ANO6: variants seen among roughly 807,000 people sequenced by gnomAD.
The protein encoded by ANO6 is anoctamin-6.
Under a neutral mutation model 117.5 loss-of-function variants are expected in ANO6, and 106 were observed. The observed-to-expected ratio is 0.90, with a 90% CI of 0.77 to 1.06. The LOEUF is 1.06. Ranked by LOEUF, ANO6 falls within the 50% of genes least tolerant of loss-of-function variation. The pLI is 0.00. For synonymous variants in ANO6, 367 were observed against 385.1 expected, an observed-to-expected ratio of 0.95 and a Z score of 0.55; for missense variants, 955 against 1,121.1, an observed-to-expected ratio of 0.85 and a Z score of 2.12.
At chr12:45,225,865 T>A (rs1054665830) in intron 1 of ANO6, among the ~76,000 whole-genome samples, 6 of 152,194 alleles carry the variant, frequency 3.9e-5, no homozygotes, top group African/African-American at 1.4e-4. Flanking sequence ...GCAAGAGTAG[T>A]CAATTTTAGA....
chr12:45,296,964 G>A (rs1939315888), intron 1 of ANO6, among the ~76,000 whole-genome samples: 1 of 152,048 alleles, frequency 6.6e-6, no homozygotes, highest in African/African-American at 2.4e-5. Flanking sequence ...TTAACAACAT[G>A]CTTGTGAATT....
chr12:45,422,894 C>A lies in ANO6; in HGVS notation c.2421-63C>A, dbSNP rs931935596. 9 of 1,242,092 alleles carry A rather than the reference C, an allele frequency of 7.2e-6. No homozygotes were observed. In the African/African-American group the frequency reaches 1.0e-4, roughly 14 times the overall value. The allele number at this position is 1,242,092 out of a possible 1,614,324, so 76.9% of individuals were successfully genotyped here. ...CGGCATGACCTCTTTTTAAATGGGGCCTTTGTTTACAGTATTCAGTCAAAA... is the reference window on the plus strand; with the variant it reads ...CGGCATGACCTCTTTTTAAATGGGGACTTTGTTTACAGTATTCAGTCAAAA... On this transcript the variant is annotated intron_variant, in intron 18 of 19. Coordinates refer to ENST00000320560, the MANE Select transcript of ANO6 (RefSeq NM_001025356.3).
At chr12:45,344,070 A>G (rs1235432977) in intron 3 of ANO6, among the ~76,000 whole-genome samples, 1 of 152,152 alleles carries the variant, frequency 6.6e-6, no homozygotes, top group Admixed American at 6.6e-5. Flanking sequence ...GGAGTTTAAA[A>G]TGGGTGTCCA....
chr12:45,371,053 G>T (rs965016537), intron 9 of ANO6, among the ~76,000 whole-genome samples: 3 of 152,208 alleles, frequency 2.0e-5, no homozygotes, highest in Admixed American at 1.3e-4. Context: ...CTCGGGAAGT[G>T]CAAGGGGTCA....
intron 7 of ANO6, among the ~76,000 whole-genome samples, chr12:45,356,740 G>GGAGGCAGGA (rs775925260): frequency 1.5e-4 from 23 of 152,048 alleles, no homozygotes; most frequent in Non-Finnish European, 3.4e-4. Flanking sequence ...AAGTGGAAGG[G>GGAGGCAGGA]GAGGCAGGAG....
chr12:45,321,194 A>G (rs959955535), intron 2 of ANO6, among the ~76,000 whole-genome samples: 4 of 152,174 alleles, frequency 2.6e-5, no homozygotes, highest in African/African-American at 4.8e-5. Context: ...GGTAGTCAGT[A>G]AAAGGAAGCG....
At position 45,350,734 on chromosome 12, in the gene ANO6, C is replaced by T. The variant is rs201233672; in HGVS notation, c.823C>T (p.Pro275Ser). 1.2e-6 allele frequency: 2 copies of T among 1,613,750 alleles called. No individual in the cohort carries two copies. Among genetic ancestry groups the T allele is most frequent in the African/African-American group, 1.3e-5 (1 of 74,986 alleles). Residue 275 changes from proline (P) to serine (S), a missense_variant, in exon 7 of 20, where the codon CCT (proline) becomes TCT (serine). By Grantham distance (74) the Pro-to-Ser change is moderately conservative. Coordinates refer to ENST00000320560, the MANE Select transcript of ANO6 (RefSeq NM_001025356.3). ...RYLLYREWAH[P>S]RSIYKKQPLD... Reference sequence around the variant, plus strand: ...CCTTCTGTACAGAGAATGGGCTCATCCTCGAAGCATATACAAAAAGCAGCC... The same window carrying T: ...CCTTCTGTACAGAGAATGGGCTCATTCTCGAAGCATATACAAAAAGCAGCC...
chr12:45,249,716 A>T (rs1213466288), intron 1 of ANO6, among the ~76,000 whole-genome samples: 1 of 152,226 alleles, frequency 6.6e-6, no homozygotes, highest in East Asian at 1.9e-4. Flanking sequence ...CTTCTGGATG[A>T]AAATGTTAGA....
chr12:45,431,640 T>A lies in ANO6; in HGVS notation c.*2329T>A, dbSNP rs1454776037. 2.0e-5 allele frequency: 20 copies of A among 985,288 alleles called. No homozygotes were observed. The highest frequency in any genetic ancestry group is 2.3e-5 in the Non-Finnish European group (19 of 829,938). The allele number at this position is 985,288 out of a possible 1,614,324, so 61.0% of individuals were successfully genotyped here. A position where few individuals can be genotyped will look rare whatever the true frequency, so the allele number is the denominator to read the frequency against. ...GTGGAGATGCAGGGTCATTTCCCCA[T>A]GCCATCCACAGTGTTTGTTAGTGAG... On this transcript the variant is annotated 3_prime_UTR_variant, in exon 20 of 20. Coordinates refer to ENST00000320560, the MANE Select transcript of ANO6 (RefSeq NM_001025356.3).
downstream of ANO6, among the ~76,000 whole-genome samples, chr12:45,432,763 A>AAAC (rs1218591468): frequency 6.6e-6 from 1 of 152,214 alleles, no homozygotes; most frequent in African/African-American, 2.4e-5. Context: ...GTAACTGGCA[A>AAAC]AACTAGAAAC....
intron 1 of ANO6, among the ~76,000 whole-genome samples, chr12:45,280,227 CTTTTCT>C (rs1938680011): frequency 6.6e-6 from 1 of 151,932 alleles, no homozygotes; most frequent in African/African-American, 2.4e-5. Flanking sequence ...TTTTTTTTCT[CTTTTCT>C]AAGTTGCTGC....
intron 12 of ANO6, among the ~76,000 whole-genome samples, chr12:45,398,909 A>G (rs946199613): frequency 5.3e-5 from 8 of 152,190 alleles, no homozygotes; most frequent in African/African-American, 1.9e-4. Flanking sequence ...TTGGCAGAAA[A>G]TCGGTCTTCA....
At chr12:45,301,017 A>G (rs755390318) in intron 1 of ANO6, among the ~76,000 whole-genome samples, 38 of 152,206 alleles carry the variant, frequency 2.5e-4, no homozygotes, top group African/African-American at 5.3e-4. Context: ...CACTTGTCCA[A>G]TATGGTAGCC....
chr12:45,255,277 T>C (rs1937769541), intron 1 of ANO6, among the ~76,000 whole-genome samples: 1 of 152,206 alleles, frequency 6.6e-6, no homozygotes, highest in Non-Finnish European at 1.5e-5. Flanking sequence ...CCTTGGAATT[T>C]TTTTCTTCAA....
intron 2 of ANO6, among the ~76,000 whole-genome samples, chr12:45,321,192 G>A (rs901410591): frequency 2.0e-5 from 3 of 152,154 alleles, no homozygotes; most frequent in Admixed American, 6.6e-5. Context: ...CAGGTAGTCA[G>A]TAAAAGGAAG....
intron 19 of ANO6, 116 bp downstream of exon 19, chr12:45,423,178 T>C (rs1015648257): frequency 2.6e-5 from 21 of 806,248 alleles, no homozygotes; most frequent in Non-Finnish European, 3.7e-5. Context: ...CACTTGCTAA[T>C]ATTTTAGGAA....
At chr12:45,438,990 A>G (rs1294466460) in intron 19 of ANO6, among the ~76,000 whole-genome samples, 2 of 152,262 alleles carry the variant, frequency 1.3e-5, no homozygotes, top group Non-Finnish European at 2.9e-5. Flanking sequence ...AGATTTTCTA[A>G]CCAAAAGATG....
intron 1 of ANO6, chr12:45,293,090 A>G: frequency 1.7e-6 from 1 of 601,010 alleles, no homozygotes; most frequent in Non-Finnish European, 2.1e-6. Flanking sequence ...TGTGTGTCAC[A>G]GTATGGTGCA....
chr12:45,432,461 A>G (rs1378010264), downstream of ANO6: 1 of 317,138 alleles, frequency 3.2e-6, no homozygotes, highest in East Asian at 1.8e-4. Context: ...TTTTGTGTAG[A>G]TTTTTCACAG....
Sources: allele counts gnomAD v4.1 joint callset (sites outside exome capture counted in the v4.1 genomes callset), GRCh38; gene constraint gnomAD v4.1.1; transcripts MANE v1.5; gene names NCBI Gene and HGNC (gene_info 2026-07-23, HGNC 2026-07-21).